MGAT4C: variants seen among roughly 807,000 people sequenced by gnomAD.
MGAT4C encodes the protein MGAT4 family member C.
A neutral mutation model predicts 40.1 loss-of-function variants in MGAT4C; 19 were observed. That is an observed-to-expected ratio of 0.47 (90% CI 0.33 to 0.70). MGAT4C has a LOEUF of 0.70. Among genes scored for constraint, MGAT4C ranks in the 30% least tolerant of loss-of-function variants. MGAT4C has a pLI of 0.02. For missense variants in MGAT4C, 491 were observed against 563.2 expected, an observed-to-expected ratio of 0.87 and a Z score of 1.30; for synonymous variants, 181 against 187.1, an observed-to-expected ratio of 0.97 and a Z score of 0.27.
intron 2 of MGAT4C, among the ~76,000 whole-genome samples, chr12:86,690,691 A>G (rs1950157425): frequency 6.6e-6 from 1 of 151,476 alleles, no homozygotes; most frequent in Non-Finnish European, 1.5e-5. Context: ...TGCAGAAATC[A>G]CCCGCCTTCT....
intron 3 of MGAT4C, among the ~76,000 whole-genome samples, chr12:86,388,832 C>T (rs936405561): frequency 6.6e-6 from 1 of 151,696 alleles, no homozygotes; most frequent in African/African-American, 2.4e-5. Flanking sequence ...CAGGCACCAG[C>T]CACCATGCCT....
At chr12:86,501,341 T>A (rs1375228406) in intron 2 of MGAT4C, among the ~76,000 whole-genome samples, 1 of 152,092 alleles carries the variant, frequency 6.6e-6, no homozygotes, top group Non-Finnish European at 1.5e-5. Context: ...ATTTATTTTA[T>A]TTTATTTTAA....
chr12:86,630,817 G>T (rs2136504883), intron 2 of MGAT4C, among the ~76,000 whole-genome samples: 1 of 152,244 alleles, frequency 6.6e-6, no homozygotes, highest in Non-Finnish European at 1.5e-5. Flanking sequence ...GCAAAAAAAT[G>T]GAAGCATTCC....
chr12:86,642,258 T>C (rs1279110782), intron 2 of MGAT4C, among the ~76,000 whole-genome samples: 1 of 151,840 alleles, frequency 6.6e-6, no homozygotes, highest in Non-Finnish European at 1.5e-5. Flanking sequence ...TTCTCTCTCT[T>C]GCCATTTATC....
chr12:86,467,595 T>C (rs935752493), intron 2 of MGAT4C, among the ~76,000 whole-genome samples: 1 of 152,146 alleles, frequency 6.6e-6, no homozygotes, highest in African/African-American at 2.4e-5. Flanking sequence ...TTATTGTAAA[T>C]ACAGATATAA....
At chr12:86,768,469 T>G (rs1467160983) in intron 1 of MGAT4C, among the ~76,000 whole-genome samples, 95 of 151,928 alleles carry the variant, frequency 6.3e-4, no homozygotes, top group Non-Finnish European at 1.6e-4. Flanking sequence ...TTCAATGCCA[T>G]CCCCATCAAG....
chr12:86,046,078 T>G (rs2136953781), intron 2 of MGAT4C, among the ~76,000 whole-genome samples: 1 of 152,314 alleles, frequency 6.6e-6, no homozygotes, highest in Middle Eastern at 3.4e-3. Context: ...GTATTCACAA[T>G]GGAGTTAAAT....
At chr12:86,728,278 T>C (rs1352630546) in intron 1 of MGAT4C, among the ~76,000 whole-genome samples, 2 of 152,210 alleles carry the variant, frequency 1.3e-5, no homozygotes, top group African/African-American at 4.8e-5. Flanking sequence ...AATTCTACCT[T>C]GTGGAGTTAT....
At chr12:86,080,430 A>G (rs567352911) in intron 1 of MGAT4C, among the ~76,000 whole-genome samples, 1 of 152,338 alleles carries the variant, frequency 6.6e-6, no homozygotes, top group South Asian at 2.1e-4. Context: ...AATAGGCAAC[A>G]TATATTTTCA....
At chr12:86,568,945 T>C (rs1442548748) in intron 2 of MGAT4C, among the ~76,000 whole-genome samples, 2 of 151,794 alleles carry the variant, frequency 1.3e-5, no homozygotes, top group Non-Finnish European at 2.9e-5. Flanking sequence ...AATTAAAAAC[T>C]AGCTGAAAAA....
At chr12:86,333,552 G>A (rs911885926) in intron 4 of MGAT4C, among the ~76,000 whole-genome samples, 5 of 152,162 alleles carry the variant, frequency 3.3e-5, no homozygotes, top group African/African-American at 1.2e-4. Flanking sequence ...CACCATTAGC[G>A]AGTAGCCAAA....
At chr12:86,089,188 C>G (rs1365631574) in intron 1 of MGAT4C, among the ~76,000 whole-genome samples, 2 of 151,826 alleles carry the variant, frequency 1.3e-5, no homozygotes, top group Non-Finnish European at 2.9e-5. Context: ...AAGTATAAAG[C>G]TATTAGAATT....
At chr12:86,715,865 A>C (rs1193591955) in intron 2 of MGAT4C, among the ~76,000 whole-genome samples, 1 of 152,166 alleles carries the variant, frequency 6.6e-6, no homozygotes, top group Non-Finnish European at 1.5e-5. Flanking sequence ...GGGCTTTTAC[A>C]AAAATGTACT....
At chr12:86,703,830 T>C (rs1477291358) in intron 2 of MGAT4C, among the ~76,000 whole-genome samples, 1 of 152,140 alleles carries the variant, frequency 6.6e-6, no homozygotes, top group East Asian at 1.9e-4. Flanking sequence ...ATATAAGCAA[T>C]GGTTATAACT....
intron 2 of MGAT4C, among the ~76,000 whole-genome samples, chr12:86,044,653 C>T (rs1892213196): frequency 1.3e-5 from 2 of 152,040 alleles, no homozygotes; most frequent in African/African-American, 4.8e-5. Context: ...AGCAGCCGAT[C>T]TGCTGGAGCT....
At chr12:86,507,955 C>T (rs577388835) in intron 2 of MGAT4C, among the ~76,000 whole-genome samples, 37 of 152,034 alleles carry the variant, frequency 2.4e-4, no homozygotes, top group Admixed American at 2.4e-3. Context: ...ATGTCATTGA[C>T]ATTGTGATAG....
At chr12:86,262,397 C>A (rs1340559556) in intron 4 of MGAT4C, among the ~76,000 whole-genome samples, 2 of 152,080 alleles carry the variant, frequency 1.3e-5, no homozygotes, top group African/African-American at 4.8e-5. Context: ...TGCATGCCAT[C>A]TTTCTTTTTA....
intron 1 of MGAT4C, among the ~76,000 whole-genome samples, chr12:86,166,410 G>T (rs899991141): frequency 6.6e-6 from 1 of 152,152 alleles, no homozygotes; most frequent in Non-Finnish European, 1.5e-5. Flanking sequence ...GGTGGCTCAC[G>T]CCTTTAATCT....
intron 3 of MGAT4C, among the ~76,000 whole-genome samples, chr12:86,341,700 AC>A (rs1182172068): frequency 6.6e-6 from 1 of 152,116 alleles, no homozygotes; most frequent in Non-Finnish European, 1.5e-5. Context: ...GCCTGAGCCA[AC>A]CCAGGGCAGA....
Sources: gnomAD v4.1 joint callset for allele counts (sites outside exome capture counted in the v4.1 genomes callset) on GRCh38, gnomAD v4.1.1 for gene constraint, MANE v1.5 for transcripts, NCBI Gene and HGNC (gene_info 2026-07-23, HGNC 2026-07-21) for gene names.